Variants in NUBPL observed in about 807,000 individuals in gnomAD.
NUBPL encodes the protein NUBP iron-sulfur cluster assembly factor, mitochondrial.
NUBPL carries 31 observed loss-of-function variants against 45.7 expected under a neutral mutation model. The observed-to-expected ratio is 0.68, with a 90% confidence interval of 0.51 to 0.92. NUBPL has a LOEUF of 0.92. Among genes scored for constraint, NUBPL ranks in the 40% least tolerant of loss-of-function variants. The probability of loss-of-function intolerance (pLI) is 0.00; values close to 1 mark genes in which losing one functional copy is unlikely to be tolerated. For synonymous variants in NUBPL, 144 were observed against 140.9 expected, an observed-to-expected ratio of 1.02 and a Z score of -0.15; for missense variants, 401 against 398.7, an observed-to-expected ratio of 1.01 and a Z score of -0.05.
chr14:31,578,320 G>C (rs973491379), intron 3 of NUBPL, among the ~76,000 whole-genome samples: 10 of 152,152 alleles, frequency 6.6e-5, no homozygotes, highest in African/African-American at 1.4e-4. Context: ...TAAGATTAAG[G>C]GCTCTGAGAA....
chr14:31,651,603 A>G (rs542670584), intron 4 of NUBPL, among the ~76,000 whole-genome samples: 1 of 152,322 alleles, frequency 6.6e-6, no homozygotes, highest in East Asian at 1.9e-4. Flanking sequence ...AAATAACTGT[A>G]TTGAAAAATG....
chr14:31,685,121 A>G (rs2036922895), intron 6 of NUBPL, among the ~76,000 whole-genome samples: 2 of 152,196 alleles, frequency 1.3e-5, no homozygotes, highest in Admixed American at 1.3e-4. Context: ...CCTCAGACCA[A>G]TTAAATTACA....
At position 31,641,766 on chromosome 14, in the gene NUBPL, A is replaced by G. The variant is rs556668842; in HGVS notation, c.383-31589A>G. Among the ~76,000 whole-genome samples the G allele has an allele frequency of 5.9e-5, 9 of 152,348 alleles. No individual in the cohort carries two copies. The South Asian group carries it at 1.2e-3, about 21-fold the overall frequency. ...TTAAGGAAGCTCCACACTAGTTTCC[A>G]TAGTGGCTGTGCTAATTTACATTCC... On this transcript the variant is annotated intron_variant, in intron 4 of 10. Transcript: ENST00000281081.
At chr14:31,585,347 G>A (rs1419004763) in intron 3 of NUBPL, among the ~76,000 whole-genome samples, 1 of 152,196 alleles carries the variant, frequency 6.6e-6, no homozygotes, top group African/African-American at 2.4e-5. Context: ...GTTGCGGGAT[G>A]GACAAACTTG....
rs2035831655 is a variant in NUBPL at position 31,645,771 on chromosome 14, T to TAC, written c.383-27581_383-27580dup. ...AGAATTTTTTAAAACTTCTATACTT[T>TAC]ACACCCCCCCCCCCACATTTTGACT... On this transcript the variant is annotated intron_variant, in intron 4 of 10. Transcript: ENST00000281081. Among the ~76,000 whole-genome samples, 6 of 109,874 alleles carry TAC rather than the reference T, an allele frequency of 5.5e-5. No homozygotes were observed. In the South Asian group the frequency reaches 1.1e-3, roughly 20 times the overall value. 72.1% of individuals were successfully genotyped at this position (109,874 alleles called of 152,430 possible).
chr14:31,651,464 G>T (rs371846233), intron 4 of NUBPL, among the ~76,000 whole-genome samples: 13 of 152,146 alleles, frequency 8.5e-5, no homozygotes, highest in African/African-American at 3.1e-4. Flanking sequence ...GTTATCTCAG[G>T]TATTGTGTAA....
At chr14:31,800,407 A>G (rs1198164192) in intron 7 of NUBPL, among the ~76,000 whole-genome samples, 2 of 152,214 alleles carry the variant, frequency 1.3e-5, no homozygotes, top group Non-Finnish European at 2.9e-5. Context: ...AACAATTATA[A>G]TAGTAACATC....
chr14:31,656,175 T>C lies in NUBPL; in HGVS notation c.383-17180T>C, dbSNP rs544712499. ...TCTTCCTCACCTCTCTCAGCTTTAA[T>C]AGAATTGAAGAGAGTTAGGGCCATA... On this transcript the variant is annotated intron_variant, in intron 4 of 10. Coordinates refer to ENST00000281081, the MANE Select transcript of NUBPL (RefSeq NM_025152.3). Among the ~76,000 whole-genome samples the C allele has an allele frequency of 1.1e-4, 16 of 152,316 alleles. No individual in the cohort carries two copies. The South Asian group carries it at 3.3e-3, about 32-fold the overall frequency.
chr14:31,858,607 A>C (rs995357410), intron 10 of NUBPL, among the ~76,000 whole-genome samples: 1 of 151,994 alleles, frequency 6.6e-6, no homozygotes, highest in African/African-American at 2.4e-5. Context: ...CATGATATCC[A>C]TTTTTTACCA....
chr14:31,650,223 A>C (rs1016060061), intron 4 of NUBPL, among the ~76,000 whole-genome samples: 3 of 152,088 alleles, frequency 2.0e-5, no homozygotes, highest in African/African-American at 7.2e-5. Context: ...AAGTTCAAGT[A>C]ATTGCATATG....
At chr14:31,593,718 G>A (rs1211542098) in intron 3 of NUBPL, among the ~76,000 whole-genome samples, 2 of 151,996 alleles carry the variant, frequency 1.3e-5, no homozygotes, top group Admixed American at 6.6e-5. Flanking sequence ...AGATAGCCTG[G>A]CCAGTGAATG....
chr14:31,831,518 T>TACCATACCATACCATACCATACC (rs1555342410), intron 8 of NUBPL, among the ~76,000 whole-genome samples: 41 of 60,754 alleles, frequency 6.7e-4, no homozygotes, highest in Admixed American at 1.7e-3. Flanking sequence ...CATACCATAC[T>TACCATACCATACCATACCATACC]ATACTCATAC....
chr14:31,621,818 G>C (rs2035071019), intron 4 of NUBPL, among the ~76,000 whole-genome samples: 1 of 152,146 alleles, frequency 6.6e-6, no homozygotes, highest in Non-Finnish European at 1.5e-5. Context: ...TGTGAAAATG[G>C]ACTAATACAG....
At chr14:31,791,801 A>C (rs1416903456) in intron 7 of NUBPL, among the ~76,000 whole-genome samples, 1 of 152,220 alleles carries the variant, frequency 6.6e-6, no homozygotes, top group Non-Finnish European at 1.5e-5. Flanking sequence ...TAGAACATTC[A>C]GGATTGCTCC....
At chr14:31,718,352 A>G (rs1429460997) in intron 6 of NUBPL, among the ~76,000 whole-genome samples, 1 of 152,224 alleles carries the variant, frequency 6.6e-6, no homozygotes, top group Non-Finnish European at 1.5e-5. Flanking sequence ...TAGAAATAAA[A>G]TATATAACTA....
chr14:31,701,123 T>C (rs2037327425), intron 6 of NUBPL, among the ~76,000 whole-genome samples: 2 of 100,922 alleles, frequency 2.0e-5, no homozygotes, highest in Admixed American at 1.1e-4. Context: ...GTCAGCACTC[T>C]GTATCTAGCT....
At chr14:31,763,330 G>C (rs557020450) in intron 6 of NUBPL, among the ~76,000 whole-genome samples, 4 of 152,248 alleles carry the variant, frequency 2.6e-5, no homozygotes, top group Admixed American at 6.5e-5. Context: ...AATAAAACTT[G>C]TCCTTTGTCC....
At chr14:31,824,218 G>C (rs779522109) in intron 7 of NUBPL, among the ~76,000 whole-genome samples, 18 of 152,066 alleles carry the variant, frequency 1.2e-4, no homozygotes, top group Admixed American at 1.3e-4. Flanking sequence ...ATTTGTAGAT[G>C]AAGAAACAAA....
In NUBPL at chr14:31,737,677, C is replaced by T. The variant is rs148807615; in HGVS notation, c.514-50103C>T. Among the ~76,000 whole-genome samples the T allele has an allele frequency of 2.3e-3, 355 of 152,132 alleles. 1 individual carries two copies. The highest frequency in any genetic ancestry group is 7.4e-3 in the African/African-American group (306 of 41,504). On this transcript the variant is annotated intron_variant, in intron 6 of 10. Transcript: ENST00000281081. Reference sequence around the variant, plus strand: ...CAGGTGCCTATTGTTCCGTCTACTCCGGAGGCTGAGGCACAAGAATCGCTT... The same window carrying T: ...CAGGTGCCTATTGTTCCGTCTACTCTGGAGGCTGAGGCACAAGAATCGCTT...
Sources: gnomAD v4.1 joint callset for allele counts (sites outside exome capture counted in the v4.1 genomes callset) on GRCh38, gnomAD v4.1.1 for gene constraint, MANE v1.5 for transcripts, NCBI Gene and HGNC (gene_info 2026-07-23, HGNC 2026-07-21) for gene names.